GMDS: variants seen among roughly 807,000 people sequenced by gnomAD.
GMDS encodes GDP-mannose 4,6 dehydratase.
Under a neutral mutation model 49.9 loss-of-function variants are expected in GMDS, and 20 were observed. That is an observed-to-expected ratio of 0.40 (90% CI 0.28 to 0.58). The LOEUF is 0.58. Among genes scored for constraint, GMDS ranks in the 20% least tolerant of loss-of-function variants. The probability of loss-of-function intolerance (pLI) is 0.42; values close to 1 mark genes in which losing one functional copy is unlikely to be tolerated. For missense variants in GMDS, 362 were observed against 481.4 expected (o/e 0.75, Z 2.32); for synonymous variants, 177 against 178.6 (o/e 0.99, Z 0.07).
intron 4 of GMDS, among the ~76,000 whole-genome samples, chr6:2,054,976 A>ATTTCT (rs1342998880): frequency 1.8e-3 from 273 of 152,250 alleles, no homozygotes; most frequent in African/African-American, 5.7e-3. Context: ...ATGATGAATG[A>ATTTCT]AAGGAATATC....
chr6:1,684,392 G>T (rs143654558), intron 9 of GMDS, among the ~76,000 whole-genome samples: 1 of 152,230 alleles, frequency 6.6e-6, no homozygotes, highest in Non-Finnish European at 1.5e-5. Flanking sequence ...ACACAAACCA[G>T]GAATGCAAAT....
intron 7 of GMDS, among the ~76,000 whole-genome samples, chr6:1,835,349 G>T (rs947906280): frequency 5.3e-5 from 8 of 152,286 alleles, no homozygotes; most frequent in African/African-American, 1.9e-4. Flanking sequence ...AGTGGAAGGA[G>T]GCGGCTTTGC....
At chr6:2,183,628 C>T (rs1052952780) in intron 1 of GMDS, among the ~76,000 whole-genome samples, 1 of 152,106 alleles carries the variant, frequency 6.6e-6, no homozygotes, top group African/African-American at 2.4e-5. Flanking sequence ...GATTGATTCC[C>T]TTTTTTAAAG....
chr6:1,654,929 T>C (rs1287932501), intron 9 of GMDS, among the ~76,000 whole-genome samples: 2 of 151,716 alleles, frequency 1.3e-5, no homozygotes, highest in Non-Finnish European at 2.9e-5. Flanking sequence ...GGCGTGGTGG[T>C]GCGCACTTGT....
intron 7 of GMDS, among the ~76,000 whole-genome samples, chr6:1,899,992 G>A (rs1419355119): frequency 6.6e-6 from 1 of 152,168 alleles, no homozygotes; most frequent in Non-Finnish European, 1.5e-5. Flanking sequence ...GCCACGTGGA[G>A]ACCTTCCACA....
At chr6:2,059,221 G>T (rs1045200979) in intron 4 of GMDS, among the ~76,000 whole-genome samples, 1 of 134,330 alleles carries the variant, frequency 7.4e-6, no homozygotes. Context: ...CATGTCCAGT[G>T]TTTCTTTATG....
intron 9 of GMDS, among the ~76,000 whole-genome samples, chr6:1,669,102 T>A (rs1764332138): frequency 6.6e-6 from 1 of 152,266 alleles, no homozygotes; most frequent in Non-Finnish European, 1.5e-5. Flanking sequence ...GTCAAATGTC[T>A]TGCTGCCCTG....
At chr6:2,183,156 T>C (rs577188109) in intron 1 of GMDS, among the ~76,000 whole-genome samples, 1 of 152,370 alleles carries the variant, frequency 6.6e-6, no homozygotes, top group East Asian at 1.9e-4. Context: ...AGGAGTAATT[T>C]CAACTTTCAG....
At chr6:2,117,812 A>C (rs1774927981) in intron 2 of GMDS, among the ~76,000 whole-genome samples, 1 of 152,236 alleles carries the variant, frequency 6.6e-6, no homozygotes, top group Non-Finnish European at 1.5e-5. Flanking sequence ...TTAGTTGTAG[A>C]TACTCAAATG....
chr6:1,960,976 G>A lies in GMDS; in HGVS notation c.346-10C>T. On this transcript the variant is annotated splice_polypyrimidine_tract_variant and intron_variant, in intron 4 of 10. Transcript: ENST00000380815. The stretch of plus-strand genomic sequence containing the variant: ...CGAGGTCAAAGGAAATCTGGAAAAA[G>A]CAGGCGGAGACAGGGCTGCATTAAT... 6.6e-7 allele frequency: 1 copy of A among 1,519,150 alleles called. No individual in the cohort carries two copies. The highest frequency in any genetic ancestry group is 9.0e-7 in the Non-Finnish European group (1 of 1,113,930). The allele number at this position is 1,519,150 out of a possible 1,614,324, so 94.1% of individuals were successfully genotyped here. A position where few individuals can be genotyped will look rare whatever the true frequency, so the allele number is the denominator to read the frequency against.
chr6:1,913,570 A>G (rs1761193645), intron 7 of GMDS, among the ~76,000 whole-genome samples: 1 of 152,222 alleles, frequency 6.6e-6, no homozygotes, highest in African/African-American at 2.4e-5. Flanking sequence ...ACCATATTCC[A>G]GTCACAGGGA....
chr6:2,068,061 T>C (rs1246757617), intron 4 of GMDS, among the ~76,000 whole-genome samples: 1 of 148,654 alleles, frequency 6.7e-6, no homozygotes, highest in Non-Finnish European at 1.5e-5. Flanking sequence ...AAAAAGCTTA[T>C]CCACCATGAT....
At chr6:1,746,121 C>T (rs549081880) in intron 7 of GMDS, among the ~76,000 whole-genome samples, 5 of 152,208 alleles carry the variant, frequency 3.3e-5, no homozygotes, top group Non-Finnish European at 7.3e-5. Flanking sequence ...ACCACATGAC[C>T]CATGACATGG....
intron 4 of GMDS, among the ~76,000 whole-genome samples, chr6:2,013,378 T>A (rs1767684443): frequency 6.6e-6 from 1 of 151,976 alleles, no homozygotes; most frequent in Admixed American, 6.6e-5. Context: ...ACTTGACAAG[T>A]CAAGTCCAGC....
rs149118148 is a variant in GMDS at position 2,055,156 on chromosome 6, T to C, written c.345+60615A>G. On this transcript the variant is annotated intron_variant, in intron 4 of 10. Transcript: ENST00000380815. ...AGATAGAGCGATAAAAACTACTGAA[T>C]CTGAGGAATAGAGAGAAAATGTATC... Among the ~76,000 whole-genome samples the C allele has an allele frequency of 4.0e-5, 6 of 151,684 alleles. No individual in the cohort carries two copies. In the East Asian group the frequency reaches 1.2e-3, roughly 29 times the overall value.
chr6:1,768,736 AT>A (rs1768459353), intron 7 of GMDS, among the ~76,000 whole-genome samples: 2 of 152,304 alleles, frequency 1.3e-5, no homozygotes, highest in Admixed American at 6.5e-5. Flanking sequence ...AACCCAAAAC[AT>A]TTCTGTTCCC....
chr6:1,741,929 T>TC (rs1205192297), intron 8 of GMDS, among the ~76,000 whole-genome samples: 2 of 23,560 alleles, frequency 8.5e-5, no homozygotes, highest in Non-Finnish European at 1.4e-4. Context: ...ACATCTTTCT[T>TC]TTTTTTTTTT....
At chr6:2,091,495 T>C (rs1287157749) in intron 4 of GMDS, among the ~76,000 whole-genome samples, 1 of 152,158 alleles carries the variant, frequency 6.6e-6, no homozygotes, top group African/African-American at 2.4e-5. Context: ...AAAACATAAG[T>C]TTAGTCACTA....
intron 1 of GMDS, among the ~76,000 whole-genome samples, chr6:2,241,953 A>G (rs971300733): frequency 1.3e-5 from 2 of 152,242 alleles, no homozygotes; most frequent in Non-Finnish European, 2.9e-5. Flanking sequence ...TAATGGAAAA[A>G]GTAAGTCAAC....
Sources: gnomAD v4.1 joint callset for allele counts (sites outside exome capture counted in the v4.1 genomes callset) on GRCh38, gnomAD v4.1.1 for gene constraint, MANE v1.5 for transcripts, NCBI Gene and HGNC (gene_info 2026-07-23, HGNC 2026-07-21) for gene names.